MYO5B: variants seen among roughly 807,000 people sequenced by gnomAD.
MYO5B encodes the protein myosin VB.
A neutral mutation model predicts 229.3 loss-of-function variants in MYO5B; 143 were observed. The observed-to-expected ratio is 0.62, with a 90% confidence interval of 0.54 to 0.72. The LOEUF is 0.72. MYO5B is among the 30% of genes least tolerant of loss of function. The pLI is 0.00. For synonymous variants in MYO5B, 918 were observed against 885.2 expected, an observed-to-expected ratio of 1.04 and a Z score of -0.66; for missense variants, 2,321 against 2,331.0, an observed-to-expected ratio of 1.00 and a Z score of 0.09.
chr18:50,183,574 G>C (rs1184824087), intron 1 of MYO5B, among the ~76,000 whole-genome samples: 2 of 152,000 alleles, frequency 1.3e-5, no homozygotes, highest in Admixed American at 6.6e-5. Context: ...TGTTAAGTGA[G>C]AGATGGAGCC....
intron 4 of MYO5B, 79 bp downstream of exon 4, chr18:50,036,771 C>T: frequency 6.6e-7 from 1 of 1,524,126 alleles, no homozygotes; most frequent in Non-Finnish European, 9.1e-7. Context: ...CTGTGAGCAT[C>T]AGTTGCAGAG....
intron 9 of MYO5B, among the ~76,000 whole-genome samples, chr18:49,979,549 G>A (rs1331212678): frequency 1.3e-5 from 2 of 152,220 alleles, no homozygotes; most frequent in Admixed American, 6.5e-5. Context: ...ACAGAAGGAG[G>A]TTAATTTACG....
At position 49,822,899 on chromosome 18, in the gene MYO5B, G is replaced by C. The variant is rs1598810469; in HGVS notation, c.*3572C>G. ...TACAAGCATTTTTCTATAAACAAAGGTGTAGTTTACAGATTTGTGCAAAGT... is the reference window on the plus strand; with the variant it reads ...TACAAGCATTTTTCTATAAACAAAGCTGTAGTTTACAGATTTGTGCAAAGT... On this transcript the variant is annotated 3_prime_UTR_variant, in exon 40 of 40. Transcript: ENST00000285039. The C allele has an allele frequency of 6.6e-6, 1 of 152,276 alleles. No individual in the cohort carries two copies. Among genetic ancestry groups the C allele is most frequent in the Non-Finnish European group, 1.5e-5 (1 of 68,022 alleles). 9.4% of individuals were successfully genotyped at this position (152,276 alleles called of 1,614,324 possible).
chr18:49,947,327 G>A (rs941741258), intron 14 of MYO5B, among the ~76,000 whole-genome samples: 1 of 151,754 alleles, frequency 6.6e-6, no homozygotes, highest in Non-Finnish European at 1.5e-5. Context: ...GGATGGTCTT[G>A]ATCTCCTGAC....
chr18:49,877,898 A>C lies in MYO5B; in HGVS notation c.3277-16T>G. ...CTGGAGTTTGCTGTTCAACAAGAAA[A>C]ACGTGATAGCTCATTAGGAACTAAT... On this transcript the variant is annotated splice_polypyrimidine_tract_variant and intron_variant, in intron 24 of 39. Coordinates refer to ENST00000285039, the MANE Select transcript of MYO5B (RefSeq NM_001080467.3). The C allele has an allele frequency of 6.2e-7, 1 of 1,614,014 alleles. No homozygotes were observed. The highest frequency in any genetic ancestry group is 8.5e-7 in the Non-Finnish European group (1 of 1,179,912).
At chr18:50,188,958 A>T (rs953452484) in intron 1 of MYO5B, among the ~76,000 whole-genome samples, 6 of 152,188 alleles carry the variant, frequency 3.9e-5, no homozygotes, top group Non-Finnish European at 8.8e-5. Flanking sequence ...GTGAAGCAGG[A>T]TCCACTGGGC....
intron 1 of MYO5B, among the ~76,000 whole-genome samples, chr18:50,069,089 A>T (rs2030891022): frequency 6.6e-6 from 1 of 152,134 alleles, no homozygotes; most frequent in African/African-American, 2.4e-5. Context: ...ATCAGTGCCT[A>T]GCCCAAGAAC....
intron 5 of MYO5B, among the ~76,000 whole-genome samples, chr18:49,998,628 G>A (rs189033755): frequency 6.6e-6 from 1 of 152,104 alleles, no homozygotes; most frequent in African/African-American, 2.4e-5. Flanking sequence ...ATACCCAAAA[G>A]GTAGAAGAAT....
chr18:49,847,789 C>T (rs979952901), intron 32 of MYO5B, among the ~76,000 whole-genome samples: 1 of 152,230 alleles, frequency 6.6e-6, no homozygotes, highest in African/African-American at 2.4e-5. Context: ...CAGGGCAAAC[C>T]CAGGTGTTCA....
chr18:49,875,645 C>T (rs749290542), intron 26 of MYO5B, 42 bp downstream of exon 26: 1 of 1,613,456 alleles, frequency 6.2e-7, no homozygotes, highest in East Asian at 2.2e-5. Context: ...AGATTGTTCT[C>T]TCATCCAAGC....
rs111736133 is a variant in MYO5B at position 49,876,794 on chromosome 18, C to T, written c.3397-967G>A. On this transcript the variant is annotated intron_variant, in intron 25 of 39. Transcript: ENST00000285039. ...AGTGCGTCTGGCAGGCAGCAAGCCACGCAGAACCGCACAACAGAGAGGAGA... is the reference window on the plus strand; with the variant it reads ...AGTGCGTCTGGCAGGCAGCAAGCCATGCAGAACCGCACAACAGAGAGGAGA... Among the ~76,000 whole-genome samples the T allele has an allele frequency of 2.9e-3, 444 of 152,356 alleles. 1 individual carries two copies. The highest frequency in any genetic ancestry group is 9.8e-3 in the African/African-American group (408 of 41,588).
chr18:50,093,894 G>T (rs2031499573), intron 1 of MYO5B, among the ~76,000 whole-genome samples: 1 of 152,168 alleles, frequency 6.6e-6, no homozygotes, highest in Non-Finnish European at 1.5e-5. Context: ...CTGGTTCTGG[G>T]AATTGCCCAC....
intron 1 of MYO5B, among the ~76,000 whole-genome samples, chr18:50,077,382 C>T (rs965250229): frequency 6.6e-6 from 1 of 151,978 alleles, no homozygotes; most frequent in Non-Finnish European, 1.5e-5. Context: ...TCGGAAGTCC[C>T]TTTCTAAGAG....
intron 4 of MYO5B, among the ~76,000 whole-genome samples, chr18:50,012,520 T>C (rs953972263): frequency 6.6e-6 from 1 of 152,184 alleles, no homozygotes; most frequent in African/African-American, 2.4e-5. Flanking sequence ...TTGACAGACA[T>C]ACAATTGAAA....
chr18:50,194,386 G>A (rs922782616), intron 1 of MYO5B, among the ~76,000 whole-genome samples: 1 of 152,144 alleles, frequency 6.6e-6, no homozygotes, highest in East Asian at 1.9e-4. Flanking sequence ...GGAGCACCGC[G>A]GGGGCCCGTC....
intron 7 of MYO5B, among the ~76,000 whole-genome samples, chr18:49,985,301 C>T (rs952054433): frequency 3.3e-5 from 5 of 152,196 alleles, no homozygotes; most frequent in Admixed American, 3.3e-4. Flanking sequence ...AAGTTGGGCA[C>T]ACCTGAACTC....
chr18:50,043,588 A>G (rs1426363948), intron 2 of MYO5B, among the ~76,000 whole-genome samples: 1 of 132,236 alleles, frequency 7.6e-6, no homozygotes, highest in African/African-American at 2.9e-5. Context: ...ATAAAAATAT[A>G]TTTATAAGTA....
chr18:50,018,792 T>C (rs1003048614), intron 4 of MYO5B, among the ~76,000 whole-genome samples: 13 of 152,178 alleles, frequency 8.5e-5, no homozygotes, highest in African/African-American at 3.1e-4. Context: ...ACGGTTTTAG[T>C]GGGCAGCCAT....
intron 2 of MYO5B, among the ~76,000 whole-genome samples, chr18:50,043,367 T>A (rs1352150381): frequency 1.0e-5 from 1 of 95,344 alleles, no homozygotes; most frequent in African/African-American, 4.2e-5. Flanking sequence ...AAATATATTA[T>A]ATAATATATA....
Sources: allele counts gnomAD v4.1 joint callset (sites outside exome capture counted in the v4.1 genomes callset), GRCh38; gene constraint gnomAD v4.1.1; transcripts MANE v1.5; gene names NCBI Gene and HGNC (gene_info 2026-07-23, HGNC 2026-07-21).